Variants in ARHGAP21 observed in about 807,000 individuals in gnomAD.
ARHGAP21 encodes the protein Rho GTPase activating protein 21.
In ARHGAP21, 38 loss-of-function variants were observed where a neutral mutation model predicts 164.6. The ratio of observed to expected loss-of-function variants is 0.23; its 90% CI spans 0.18 to 0.30. The LOEUF is 0.30. Ranked by LOEUF, ARHGAP21 falls within the 10% of genes least tolerant of loss-of-function variation. The probability of loss-of-function intolerance (pLI) is 1.00; values close to 1 mark genes in which losing one functional copy is unlikely to be tolerated. For missense variants in ARHGAP21, 1,822 were observed against 2,370.7 expected (o/e 0.77, Z 4.81); for synonymous variants, 766 against 857.9 (o/e 0.89, Z 1.87).
intron 4 of ARHGAP21, chr10:24,648,869 TA>T: frequency 1.0e-6 from 1 of 985,312 alleles, no homozygotes; most frequent in Non-Finnish European, 1.2e-6. Flanking sequence ...CCAAGTGTTT[TA>T]ATCATGTCCT....
At chr10:24,653,426 A>G (rs1838414772) in intron 4 of ARHGAP21, among the ~76,000 whole-genome samples, 1 of 152,174 alleles carries the variant, frequency 6.6e-6, no homozygotes, top group Non-Finnish European at 1.5e-5. Flanking sequence ...TACAAAAAAA[A>G]TTAGCCAGGC....
chr10:24,594,638 CTG>C (rs1467213666), intron 21 of ARHGAP21, among the ~76,000 whole-genome samples: 12 of 152,002 alleles, frequency 7.9e-5, no homozygotes, highest in African/African-American at 2.9e-4. Context: ...GGCCTTTTGA[CTG>C]TTGTAGCGTA....
At chr10:24,698,884 A>C (rs1403236351) in intron 2 of ARHGAP21, among the ~76,000 whole-genome samples, 2 of 152,238 alleles carry the variant, frequency 1.3e-5, no homozygotes, top group African/African-American at 4.8e-5. Flanking sequence ...CTCAATGTTT[A>C]TAATTAGATT....
At position 24,686,909 on chromosome 10, in the gene ARHGAP21, G is replaced by A. The variant is rs568128200; in HGVS notation, c.64-16512C>T. On this transcript the variant is annotated intron_variant, in intron 2 of 25. Transcript: ENST00000396432. ...GGCTTAAAAGCAGTTTCTAAGCCAG[G>A]TGAGGTGACTCACATCCATAATCCC... 1.3e-4 allele frequency among the ~76,000 whole-genome samples: 20 copies of A among 152,284 alleles called. No homozygotes were observed. The East Asian group carries it at 3.7e-3, about 28-fold the overall frequency.
At position 24,584,066 on chromosome 10, in the gene ARHGAP21, TA is replaced by T. The variant is rs1196039282; in HGVS notation, c.*345del. On this transcript the variant is annotated 3_prime_UTR_variant, in exon 26 of 26. Transcript: ENST00000396432. ...GCACCCTAAAAACCAACTGTATTTT[TA>T]TGATGAGGCACTTTTGTTAGTGATG... is the stretch of plus-strand genomic sequence containing the variant. 1 of 153,874 alleles carries T rather than the reference TA, an allele frequency of 6.5e-6. No homozygotes were observed. Among genetic ancestry groups the T allele is most frequent in the African/African-American group, 2.4e-5 (1 of 41,498 alleles). The allele number at this position is 153,874 out of a possible 1,614,324, so 9.5% of individuals were successfully genotyped here.
At chr10:24,612,012 C>T (rs2077283516) in intron 9 of ARHGAP21, among the ~76,000 whole-genome samples, 2 of 152,176 alleles carry the variant, frequency 1.3e-5, no homozygotes, top group African/African-American at 4.8e-5. Context: ...AAAAAAGTCC[C>T]TTCTAAGGTG....
At chr10:24,616,093 T>A (rs575254472) in intron 9 of ARHGAP21, among the ~76,000 whole-genome samples, 8 of 152,258 alleles carry the variant, frequency 5.3e-5, no homozygotes, top group Non-Finnish European at 1.0e-4. Flanking sequence ...TATTATTTTT[T>A]AAATTACCTC....
chr10:24,644,225 T>C (rs968022017), intron 4 of ARHGAP21, among the ~76,000 whole-genome samples: 5 of 152,194 alleles, frequency 3.3e-5, no homozygotes, highest in African/African-American at 7.2e-5. Context: ...TAAAACTTCA[T>C]GTGAGAAAAT....
At chr10:24,637,586 C>T (rs1307727231) in intron 4 of ARHGAP21, among the ~76,000 whole-genome samples, 3 of 152,024 alleles carry the variant, frequency 2.0e-5, no homozygotes, top group African/African-American at 4.8e-5. Flanking sequence ...AATAATAAAA[C>T]GTTGGTTGGG....
intron 4 of ARHGAP21, among the ~76,000 whole-genome samples, chr10:24,658,242 TCAAC>T (rs1259703315): frequency 1.3e-5 from 2 of 152,146 alleles, no homozygotes; most frequent in African/African-American, 4.8e-5. Flanking sequence ...GTAAACTAGT[TCAAC>T]CATTGTGGAA....
At chr10:24,616,198 T>A (rs781342572) in intron 9 of ARHGAP21, among the ~76,000 whole-genome samples, 2 of 152,216 alleles carry the variant, frequency 1.3e-5, no homozygotes, top group Non-Finnish European at 2.9e-5. Context: ...AAAAGACATA[T>A]AAAGATGATA....
In ARHGAP21 at chr10:24,667,015, A is replaced by T. The variant is rs1276866980; in HGVS notation, c.244-6T>A. The T allele has an allele frequency of 7.4e-7, 1 of 1,346,970 alleles. No homozygotes were observed. The highest frequency in any genetic ancestry group is 1.3e-5 in the South Asian group (1 of 79,064). The allele number at this position is 1,346,970 out of a possible 1,614,324, so 83.4% of individuals were successfully genotyped here. On this transcript the variant is annotated splice_polypyrimidine_tract_variant and splice_region_variant and intron_variant, in intron 3 of 25. Transcript: ENST00000396432. The stretch of plus-strand genomic sequence containing the variant: ...CTGTTTCCATTTTCTTCATCCTACA[A>T]ATGAAAATATATATATACATATATG...
chr10:24,601,955 G>C, intron 13 of ARHGAP21, 23 bp downstream of exon 13: 15 of 1,527,790 alleles, frequency 9.8e-6, no homozygotes, highest in African/African-American at 1.4e-5. Flanking sequence ...CTGACACTCA[G>C]GGTGGCTTAG....
At chr10:24,618,641 AGCAAGGAG>A (rs1247232227) in intron 9 of ARHGAP21, among the ~76,000 whole-genome samples, 1 of 152,234 alleles carries the variant, frequency 6.6e-6, no homozygotes, top group Non-Finnish European at 1.5e-5. Context: ...CACACCTGAC[AGCAAGGAG>A]GCTGGTGAGG....
chr10:24,682,484 G>A (rs1262042594), intron 2 of ARHGAP21, among the ~76,000 whole-genome samples: 2 of 152,090 alleles, frequency 1.3e-5, no homozygotes, highest in Non-Finnish European at 2.9e-5. Context: ...CAATCTTATT[G>A]TAAATTATTC....
chr10:24,642,857 C>T (rs1837215868), intron 4 of ARHGAP21, among the ~76,000 whole-genome samples: 1 of 152,086 alleles, frequency 6.6e-6, no homozygotes, highest in African/African-American at 2.4e-5. Flanking sequence ...TGAAAATCTC[C>T]AGCACACAGA....
At chr10:24,668,268 C>T (rs939938656) in intron 3 of ARHGAP21, among the ~76,000 whole-genome samples, 1 of 152,214 alleles carries the variant, frequency 6.6e-6, no homozygotes, top group African/African-American at 2.4e-5. Flanking sequence ...TTTGGTGTAA[C>T]ATTCACGAGA....
chr10:24,611,043 C>T (rs904075661), intron 9 of ARHGAP21, among the ~76,000 whole-genome samples: 1 of 152,156 alleles, frequency 6.6e-6, no homozygotes, highest in South Asian at 2.1e-4. Flanking sequence ...CCTATTTGTT[C>T]CTCTTCGTGT....
chr10:24,640,614 A>T (rs941849302), intron 4 of ARHGAP21, among the ~76,000 whole-genome samples: 2 of 152,138 alleles, frequency 1.3e-5, no homozygotes. Flanking sequence ...ATGGAATATG[A>T]AGGCACCAAG....
Sources: gnomAD v4.1 joint callset for allele counts (sites outside exome capture counted in the v4.1 genomes callset) on GRCh38, gnomAD v4.1.1 for gene constraint, MANE v1.5 for transcripts, NCBI Gene and HGNC (gene_info 2026-07-23, HGNC 2026-07-21) for gene names.